Variants in EPHB3 observed in about 807,000 individuals in gnomAD.
EPHB3 encodes ephrin type-B receptor 3.
Under a neutral mutation model 100.2 loss-of-function variants are expected in EPHB3, and 33 were observed. That is an observed-to-expected ratio of 0.33 (90% CI 0.25 to 0.44). The LOEUF is 0.44. Ranked by LOEUF, EPHB3 falls within the 20% of genes least tolerant of loss-of-function variation. The probability of loss-of-function intolerance (pLI) is 1.00; values close to 1 mark genes in which losing one functional copy is unlikely to be tolerated. For synonymous variants in EPHB3, 526 were observed against 554.7 expected (o/e 0.95, Z 0.73); for missense variants, 1,045 against 1,378.3 (o/e 0.76, Z 3.83).
chr3:184,580,005 G>A (rs946066684), intron 11 of EPHB3, 71 bp downstream of exon 11: 10 of 1,559,878 alleles, frequency 6.4e-6, no homozygotes, highest in Non-Finnish European at 8.7e-6. Context: ...CCTCCCACAA[G>A]TCAGACAGCC....
rs1714313993 is a variant in EPHB3, at chr3:184,563,631, T to G, written c.118+1278T>G. 6.6e-6 allele frequency among the ~76,000 whole-genome samples: 1 copy of G among 152,138 alleles called. No individual in the cohort carries two copies. Among genetic ancestry groups the G allele is most frequent in the South Asian group, 2.1e-4 (1 of 4,828 alleles). On this transcript the variant is annotated intron_variant, in intron 1 of 15. Transcript: ENST00000330394. This position sits in a 1 kb window ranked among gnomAD's most constrained non-coding sequence, Gnocchi z 4.1. ...GTGCTGACAGATCGAGTCCCACGGG[T>G]GGACACATGCAAATTCAGACTGACA...
chr3:184,581,759 G>C lies in EPHB3; in HGVS notation c.*137G>C. On this transcript the variant is annotated 3_prime_UTR_variant, in exon 16 of 16. Transcript: ENST00000330394. ...GGAAGTTTGGGAAAGGCCCAAGCTG[G>C]GACTTCTCCAGGCCTGTGTTCCCTC... The C allele has an allele frequency of 1.2e-6, 1 of 842,706 alleles. No homozygotes were observed. Among genetic ancestry groups the C allele is most frequent in the Non-Finnish European group, 1.8e-6 (1 of 555,900 alleles). 52.2% of individuals were successfully genotyped at this position (842,706 alleles called of 1,614,324 possible). A position where few individuals can be genotyped will look rare whatever the true frequency, so the allele number is the denominator to read the frequency against.
At chr3:184,566,360 G>A (rs1714385035) in intron 1 of EPHB3, among the ~76,000 whole-genome samples, 1 of 152,230 alleles carries the variant, frequency 6.6e-6, no homozygotes, top group Non-Finnish European at 1.5e-5. Context: ...TGATCTGAGG[G>A]GAAGAATGAA....
At position 184,575,842 on chromosome 3, in the gene EPHB3, G is replaced by A. The variant is rs1272804494; in HGVS notation, c.869G>A (p.Gly290Glu). 1 of 1,607,938 alleles carries A rather than the reference G, an allele frequency of 6.2e-7. No individual in the cohort carries two copies. The highest frequency in any genetic ancestry group is 8.5e-7 in the Non-Finnish European group (1 of 1,176,932). The change falls in exon 4 of 16, where the codon GGG (glycine) becomes GAG (glutamate). Residue 290 changes from glycine to glutamate, a missense_variant. Physicochemically the swap from Gly to Glu is moderately conservative, Grantham distance 98. Coordinates refer to ENST00000330394, the MANE Select transcript of EPHB3 (RefSeq NM_004443.4). ...TTCTCTCCCACAGCCTGTCCCCCTG[G>A]GAGCTACAAGGCGAAGCAGGGAGAG... ...KESQCRPCPP[G>E]SYKAKQGEGP...
Position 184,576,781 on chromosome 3 carries a change from G to T in EPHB3, c.1013-61G>T, listed in dbSNP as rs950911007. ...GCAGATTGGAGTGTGCTGGAACTCC[G>T]GGCAGAGGGATGGTCCTAGAGCCCC... On this transcript the variant is annotated intron_variant, in intron 4 of 15. Coordinates refer to ENST00000330394, the MANE Select transcript of EPHB3 (RefSeq NM_004443.4). 1.1e-5 allele frequency: 16 copies of T among 1,478,158 alleles called. No individual in the cohort carries two copies. The African/African-American group carries it at 2.1e-4, about 20-fold the overall frequency. 91.6% of individuals were successfully genotyped at this position (1,478,158 alleles called of 1,614,324 possible).
At position 184,579,895 on chromosome 3, in the gene EPHB3, T is replaced by C. The variant is rs201829730; in HGVS notation, c.2133T>C (p.Thr711=). ...AAAGTCGGCCAGTTATGATCCTCAC[T>C]GAGTTCATGGAAAACTGCGCCCTGG... ...VTKSRPVMIL[T]EFMENCALDS... is the part of the protein sequence containing the mutation. Residue 711 remains threonine, a synonymous_variant, in exon 11 of 16, where the codon ACT becomes ACC. Coordinates refer to ENST00000330394, the MANE Select transcript of EPHB3 (RefSeq NM_004443.4). This position sits in a 1 kb window ranked among gnomAD's most constrained non-coding sequence, Gnocchi z 5.2. 113 of 1,613,784 alleles carry C rather than the reference T, an allele frequency of 7.0e-5. No individual in the cohort carries two copies. The highest frequency in any genetic ancestry group is 2.4e-5 in the Non-Finnish European group (28 of 1,180,000).
In EPHB3 at chr3:184,569,207, C is replaced by CGGCGGGCGGACCGGCGGGCGGACT. The variant is rs71188826; in HGVS notation, c.119-2105_119-2104insCGGACCGGCGGGCGGACTGGCGGG. Among the ~76,000 whole-genome samples the CGGCGGGCGGACCGGCGGGCGGACT allele has an allele frequency of 6.6e-5, 10 of 151,444 alleles. No homozygotes were observed. Among genetic ancestry groups the CGGCGGGCGGACCGGCGGGCGGACT allele is most frequent in the South Asian group, 2.1e-4 (1 of 4,790 alleles). On this transcript the variant is annotated intron_variant, in intron 1 of 15. Coordinates refer to ENST00000330394, the MANE Select transcript of EPHB3 (RefSeq NM_004443.4). This position sits in a 1 kb window ranked among gnomAD's most constrained non-coding sequence, Gnocchi z 5.4. The stretch of plus-strand genomic sequence containing the variant: ...CCGGCGGGCGGACCGGCGGGCGGAC[C>CGGCGGGCGGACCGGCGGGCGGACT]GGCGGGAGGACTGGCTGCGGGGGCA...
intron 1 of EPHB3, among the ~76,000 whole-genome samples, chr3:184,567,478 A>AGG (rs3222608): frequency 8.3e-6 from 1 of 120,058 alleles, no homozygotes; most frequent in African/African-American, 3.3e-5. Context: ...CCATGCTTGC[A>AGG]GGGTGTGTGT....
intron 11 of EPHB3, 65 bp from the exon 12 acceptor site, chr3:184,580,337 G>C: frequency 6.3e-7 from 1 of 1,597,638 alleles, no homozygotes; most frequent in Non-Finnish European, 8.6e-7. Flanking sequence ...GAGAGGGAAG[G>C]CAGGTGGGCA....
In EPHB3 at chr3:184,581,603, CGCT is replaced by C. The variant is rs1373075168; in HGVS notation, c.2981_2983del (p.Leu994del). 8 of 1,612,504 alleles carry C rather than the reference CGCT, an allele frequency of 5.0e-6. No individual in the cohort carries two copies. The highest frequency in any genetic ancestry group is 6.8e-6 in the Non-Finnish European group (8 of 1,179,328). On this transcript the variant is annotated inframe_deletion, in exon 16 of 16. Transcript: ENST00000330394. Reference sequence around the variant, plus strand: ...GACATGCGGCTGCAGATGAACCAGACGCTGCCTGTGCAGGTCTGACACCGGCTC... The same window carrying C: ...GACATGCGGCTGCAGATGAACCAGACGCCTGTGCAGGTCTGACACCGGCTC...
In EPHB3 at chr3:184,578,113, G is replaced by C. The variant is rs1295283891; in HGVS notation, c.1748+107G>C. Reference sequence around the variant, plus strand: ...GCCGCCACCACTTCCCTCAGACCCAGGGCCTTAGCCCTCCTGGGGCCAGCC... The same window carrying C: ...GCCGCCACCACTTCCCTCAGACCCACGGCCTTAGCCCTCCTGGGGCCAGCC... On this transcript the variant is annotated intron_variant, in intron 8 of 15. Coordinates refer to ENST00000330394, the MANE Select transcript of EPHB3 (RefSeq NM_004443.4). This position sits in a 1 kb window ranked among gnomAD's most constrained non-coding sequence, Gnocchi z 4.7. 4.6e-6 allele frequency: 6 copies of C among 1,293,184 alleles called. No individual in the cohort carries two copies. In the African/African-American group the frequency reaches 7.4e-5, roughly 16 times the overall value. 80.1% of individuals were successfully genotyped at this position (1,293,184 alleles called of 1,614,324 possible).
Position 184,581,253 on chromosome 3 carries a change from C to A in EPHB3, c.2733C>A (p.Gly911=). The A allele has an allele frequency of 6.3e-7, 1 of 1,596,170 alleles. No individual in the cohort carries two copies. ...CCAGGTCCTTCTCTTCTTCCCACAG[C>A]ATGTCACAGCCCCTCCTGGACCGCA... ...SLKVIASAQS[G]MSQPLLDRTV... is the part of the protein sequence containing the mutation. The change falls in exon 15 of 16, where the codon GGC becomes GGA. Residue 911 remains glycine, a splice_region_variant and synonymous_variant. Coordinates refer to ENST00000330394, the MANE Select transcript of EPHB3 (RefSeq NM_004443.4).
rs1353679559 is a variant in EPHB3 at position 184,581,637 on chromosome 3, G to A, written c.*15G>A. ...TGCAGGTCTGACACCGGCTCCCACGGGGACCCTGAGGACCGTGCAGGGATG... is the reference window on the plus strand; with the variant it reads ...TGCAGGTCTGACACCGGCTCCCACGAGGACCCTGAGGACCGTGCAGGGATG... On this transcript the variant is annotated 3_prime_UTR_variant, in exon 16 of 16. Coordinates refer to ENST00000330394, the MANE Select transcript of EPHB3 (RefSeq NM_004443.4). The A allele has an allele frequency of 3.8e-6, 6 of 1,592,376 alleles. No homozygotes were observed. The highest frequency in any genetic ancestry group is 4.3e-6 in the Non-Finnish European group (5 of 1,170,258).
In EPHB3 at chr3:184,578,273, T is replaced by G; in HGVS notation, c.1749-141T>G. 2.4e-6 allele frequency: 3 copies of G among 1,259,948 alleles called. No homozygotes were observed. The Admixed American group carries it at 5.7e-5, about 24-fold the overall frequency. The allele number at this position is 1,259,948 out of a possible 1,614,324, so 78.0% of individuals were successfully genotyped here. On this transcript the variant is annotated intron_variant, in intron 8 of 15. Transcript: ENST00000330394. This position sits in a 1 kb window ranked among gnomAD's most constrained non-coding sequence, Gnocchi z 4.7. ...ACCCCTTGCTCAGACACCCAGAGACTGCTGTGACCACCAATTGTGGGACTA... is the reference window on the plus strand; with the variant it reads ...ACCCCTTGCTCAGACACCCAGAGACGGCTGTGACCACCAATTGTGGGACTA...
In EPHB3 at chr3:184,578,431, C is replaced by G; in HGVS notation, c.1766C>G (p.Ser589Cys). Residue 589 changes from serine to cysteine, a missense_variant, in exon 9 of 16, where the codon TCT (serine) becomes TGT (cysteine). By Grantham distance (112) the Ser-to-Cys change is moderately radical. Transcript: ENST00000330394. The surrounding 1 kb of genome is among the most constrained non-coding windows in gnomAD (Gnocchi z 4.7). ...IVCLRKQRHG[S>C]DSEYTEKLQQ... ...CCCTACAGGAAGCAGCGACACGGCT[C>G]TGATTCGGAGTACACGGAGAAGCTG... 2.5e-6 allele frequency: 4 copies of G among 1,614,036 alleles called. No individual in the cohort carries two copies. Among genetic ancestry groups the G allele is most frequent in the Non-Finnish European group, 3.4e-6 (4 of 1,179,994 alleles).
In EPHB3 at chr3:184,573,095, G is replaced by A. The variant is rs1460787359; in HGVS notation, c.775G>A (p.Asp259Asn). Residue 259 changes from aspartate (D) to asparagine (N), a missense_variant, in exon 3 of 16, where the codon GAT (aspartate) becomes AAT (asparagine). Asp to Asn is a conservative substitution (Grantham distance 23, BLOSUM62 1). This residue lies in a region of EPHB3 where 985 missense variants were observed against 1,331.1 expected (regional missense o/e 0.74). Transcript: ENST00000330394. This position sits in a 1 kb window ranked among gnomAD's most constrained non-coding sequence, Gnocchi z 4.5. ...GCCACTCAAGCTCTACTGCAACGGC[G>A]ATGGGGAGTGGATGGTGCCTGTGGG... ...SVPLKLYCNG[D>N]GEWMVPVGAC... 7.4e-6 allele frequency: 12 copies of A among 1,612,992 alleles called. No individual in the cohort carries two copies. The highest frequency in any genetic ancestry group is 4.0e-5 in the African/African-American group (3 of 74,948).
intron 1 of EPHB3, among the ~76,000 whole-genome samples, chr3:184,568,694 G>A (rs149726745): frequency 2.0e-3 from 301 of 150,928 alleles, no homozygotes; most frequent in Non-Finnish European, 3.7e-3. Context: ...GCAGGCTGAA[G>A]GGAGCAGGCT....
intron 1 of EPHB3, among the ~76,000 whole-genome samples, chr3:184,568,585 T>C: frequency 6.8e-6 from 1 of 147,608 alleles, no homozygotes; most frequent in African/African-American, 2.5e-5. Context: ...GACAGATGGG[T>C]TCTATGACCC....
intron 1 of EPHB3, among the ~76,000 whole-genome samples, chr3:184,568,602 C>A (rs1467611974): frequency 2.1e-5 from 3 of 143,780 alleles, no homozygotes; most frequent in Non-Finnish European, 3.1e-5. Flanking sequence ...ACCCCCCCCC[C>A]ACATCCCCCT....
Sources: gnomAD v4.1 joint callset for allele counts (sites outside exome capture counted in the v4.1 genomes callset) on GRCh38, gnomAD v4.1.1 for gene constraint, gnomAD v4.1.1 regional missense constraint, Gnocchi (gnomAD v3.1) non-coding constraint, MANE v1.5 for transcripts, NCBI Gene and HGNC (gene_info 2026-07-23, HGNC 2026-07-21) for gene names.